The following CTBP2 variants were observed in gnomAD, a reference collection of about 807,000 sequenced individuals.
The protein encoded by CTBP2 is C-terminal binding protein 2.
CTBP2 carries 30 observed loss-of-function variants against 80.3 expected under a neutral mutation model. That is an observed-to-expected ratio of 0.37 (90% CI 0.28 to 0.51). The LOEUF (loss-of-function observed/expected upper bound fraction) is 0.51, where lower values mean the gene tolerates loss of function less well. Ranked by LOEUF, CTBP2 falls within the 20% of genes least tolerant of loss-of-function variation. CTBP2 has a pLI of 0.93. For missense variants in CTBP2, 1,212 were observed against 1,375.3 expected, an observed-to-expected ratio of 0.88 and a Z score of 1.88; for synonymous variants, 594 against 587.4, an observed-to-expected ratio of 1.01 and a Z score of -0.16.
chr10:125,015,547 C>T (rs1956386914), intron 1 of CTBP2, among the ~76,000 whole-genome samples: 1 of 152,244 alleles, frequency 6.6e-6, no homozygotes, highest in Non-Finnish European at 1.5e-5. Context: ...CCCGGTCTTG[C>T]AGTTGGGAGG....
chr10:125,134,336 C>G (rs753216028), intron 1 of CTBP2, among the ~76,000 whole-genome samples: 5 of 152,188 alleles, frequency 3.3e-5, no homozygotes, highest in African/African-American at 4.8e-5. Flanking sequence ...CGGAAGCCCC[C>G]CCGCCCCGTG....
At position 124,988,412 on chromosome 10, in the gene CTBP2, T is replaced by C. The variant is rs1464485526; in HGVS notation, c.*1106A>G. The C allele has an allele frequency of 6.6e-6, 1 of 152,652 alleles. No individual in the cohort carries two copies. Among genetic ancestry groups the C allele is most frequent in the Non-Finnish European group, 1.5e-5 (1 of 68,040 alleles). The allele number at this position is 152,652 out of a possible 1,614,324, so 9.5% of individuals were successfully genotyped here. On this transcript the variant is annotated 3_prime_UTR_variant, in exon 9 of 9. Transcript: ENST00000309035. Reference sequence around the variant, plus strand: ...TTACAATAAACAAATACAGTAACGGTAACTCACACTAAAACAAAACATACT... The same window carrying C: ...TTACAATAAACAAATACAGTAACGGCAACTCACACTAAAACAAAACATACT...
At chr10:125,159,920 C>A (rs1455093645) in intron 1 of CTBP2, 2 of 153,892 alleles carry the variant, frequency 1.3e-5, no homozygotes, top group East Asian at 3.8e-4. Context: ...GCCGCCGCCG[C>A]CGCCGCTGCC....
At chr10:125,139,109 C>T (rs949085777) in intron 1 of CTBP2, among the ~76,000 whole-genome samples, 39 of 152,130 alleles carry the variant, frequency 2.6e-4, no homozygotes, top group Non-Finnish European at 8.8e-5. Context: ...AGGTGGCTCA[C>T]GCCTGTAATC....
intron 1 of CTBP2, among the ~76,000 whole-genome samples, chr10:125,115,475 G>A (rs1167765008): frequency 6.6e-6 from 1 of 152,212 alleles, no homozygotes; most frequent in African/African-American, 2.4e-5. Context: ...AGCATCGGTG[G>A]CTGAGAAGTA....
chr10:125,128,373 AT>A (rs1423086231), intron 1 of CTBP2, among the ~76,000 whole-genome samples: 5 of 152,188 alleles, frequency 3.3e-5, no homozygotes, highest in Non-Finnish European at 7.4e-5. Context: ...AGAGCATGGT[AT>A]TTTGGGGACA....
chr10:125,127,615 T>C (rs1855490556), intron 1 of CTBP2, among the ~76,000 whole-genome samples: 1 of 152,168 alleles, frequency 6.6e-6, no homozygotes, highest in Admixed American at 6.5e-5. Context: ...CTCCATGTTG[T>C]ACTTCTGACT....
intron 2 of CTBP2, among the ~76,000 whole-genome samples, chr10:125,063,858 A>C (rs924430274): frequency 3.9e-5 from 6 of 152,194 alleles, no homozygotes; most frequent in Admixed American, 3.3e-4. Flanking sequence ...CTGGGCAAGA[A>C]GGGTGGACAC....
intron 2 of CTBP2, among the ~76,000 whole-genome samples, chr10:125,095,916 G>A (rs1849476355): frequency 6.6e-6 from 1 of 152,122 alleles, no homozygotes; most frequent in Non-Finnish European, 1.5e-5. Flanking sequence ...TGGGAGGCAG[G>A]GGAGTCCTTG....
chr10:125,039,739 C>T (rs540269283), intron 2 of CTBP2, among the ~76,000 whole-genome samples: 19 of 152,228 alleles, frequency 1.2e-4, no homozygotes, highest in Non-Finnish European at 1.6e-4. Flanking sequence ...AACGTTCCTC[C>T]GATGCCGCCT....
intron 4 of CTBP2, 51 bp from the exon 7 acceptor site, chr10:124,994,734 G>C (rs536724488): frequency 6.4e-7 from 1 of 1,570,682 alleles, no homozygotes; most frequent in Admixed American, 1.7e-5. Flanking sequence ...CCGCGCCCCA[G>C]CGCTGCCACC....
chr10:125,116,254 C>T (rs1290947353), intron 1 of CTBP2, among the ~76,000 whole-genome samples: 1 of 152,186 alleles, frequency 6.6e-6, no homozygotes, highest in East Asian at 1.9e-4. Flanking sequence ...CCACGCCTCA[C>T]GTAGAGACGG....
chr10:125,093,497 C>T (rs552480102), intron 2 of CTBP2, among the ~76,000 whole-genome samples: 9 of 152,344 alleles, frequency 5.9e-5, no homozygotes, highest in African/African-American at 1.9e-4. Context: ...CTCCCACCCA[C>T]GACACTTTGT....
At chr10:125,096,163 T>A (rs528685871) in intron 2 of CTBP2, among the ~76,000 whole-genome samples, 16 of 152,344 alleles carry the variant, frequency 1.1e-4, no homozygotes, top group Admixed American at 1.0e-3. Context: ...ATGTTTGCAT[T>A]CTTGTTCTAA....
In CTBP2 at chr10:124,998,098, T is replaced by G; in HGVS notation, c.2051A>C (p.Asn684Thr). The stretch of plus-strand genomic sequence containing the variant: ...CAGCCACGTGTTCCTCCGGTACAGG[T>G]TGAGGATGTGGCAGATGGTAGAGTC... Residue 684 changes from asparagine to threonine, a missense_variant, in exon 4 of 9, where the codon AAC becomes ACC. By Grantham distance (65) the Asn-to-Thr change is moderately conservative. Around this residue, in one of 3 missense-constraint regions of CTBP2, gnomAD observed 335 missense variants for 504.7 expected, o/e 0.66. Transcript: ENST00000309035. The G allele has an allele frequency of 6.2e-7, 1 of 1,612,710 alleles. No homozygotes were observed. The highest frequency in any genetic ancestry group is 2.2e-5 in the East Asian group (1 of 44,848).
At chr10:125,117,060 C>T (rs973198115) in intron 1 of CTBP2, among the ~76,000 whole-genome samples, 26 of 152,340 alleles carry the variant, frequency 1.7e-4, no homozygotes, top group South Asian at 8.3e-4. Context: ...CACCCCCAGC[C>T]ACCCTCAGTG....
At chr10:125,079,731 G>C (rs1400691525) in intron 2 of CTBP2, among the ~76,000 whole-genome samples, 1 of 152,150 alleles carries the variant, frequency 6.6e-6, no homozygotes, top group East Asian at 1.9e-4. Context: ...ATCTATAATG[G>C]TTGCTAATTT....
chr10:124,993,588 G>C (rs958850933), intron 6 of CTBP2, among the ~76,000 whole-genome samples: 4 of 152,324 alleles, frequency 2.6e-5, no homozygotes, highest in Middle Eastern at 3.4e-3. Context: ...GGGCAGAGAT[G>C]ATGCCTGTCT....
intron 2 of CTBP2, among the ~76,000 whole-genome samples, chr10:125,058,934 C>T (rs1333645113): frequency 6.6e-6 from 1 of 152,072 alleles, no homozygotes; most frequent in Non-Finnish European, 1.5e-5. Flanking sequence ...TCAAGTCTAC[C>T]AAATTCTTCA....
Sources: gnomAD v4.1 joint callset for allele counts (sites outside exome capture counted in the v4.1 genomes callset) on GRCh38, gnomAD v4.1.1 for gene constraint, gnomAD v4.1.1 regional missense constraint, MANE v1.5 for transcripts, NCBI Gene and HGNC (gene_info 2026-07-23, HGNC 2026-07-21) for gene names.